The following DDX41 variants were observed in gnomAD, a reference collection of about 807,000 sequenced individuals.
The protein encoded by DDX41 is DEAD-box helicase 41.
Under a neutral mutation model 78.8 loss-of-function variants are expected in DDX41, and 50 were observed. The observed-to-expected ratio is 0.63, with a 90% CI of 0.51 to 0.80. The LOEUF is 0.80. Among genes scored for constraint, DDX41 ranks in the 30% least tolerant of loss-of-function variants. The probability of loss-of-function intolerance (pLI) is 0.00; values close to 1 mark genes in which losing one functional copy is unlikely to be tolerated. For missense variants in DDX41, 633 were observed against 849.2 expected, an observed-to-expected ratio of 0.75 and a Z score of 3.16; for synonymous variants, 381 against 321.5, an observed-to-expected ratio of 1.19 and a Z score of -1.98.
In DDX41 at chr5:177,514,702, G is replaced by A. The variant is rs755552331; in HGVS notation, c.934C>T (p.His312Tyr). 2 of 1,609,720 alleles carry A rather than the reference G, an allele frequency of 1.2e-6. No individual in the cohort carries two copies. The highest frequency in any genetic ancestry group is 4.5e-5 in the East Asian group (2 of 44,790). Residue 312 changes from histidine (H) to tyrosine (Y), a missense_variant and splice_region_variant, in exon 9 of 17, where the codon CAC becomes TAC. Physicochemically the swap from His to Tyr is moderately conservative, Grantham distance 83. This residue lies in a region of DDX41 where 151 missense variants were observed against 169.2 expected (regional missense o/e 0.89). Transcript: ENST00000330503. The surrounding 1 kb of genome is among the most constrained non-coding windows in gnomAD (Gnocchi z 4.2). ...GGGGCAGGGAGCGCCAGCACTCACT[G>A]TCGGATGGTCTCCATCTGCTCTTTC... ...SVKEQMETIR[H>Y]GVHMMVATPG...
chr5:177,516,560 C>T (rs757845961), intron 2 of DDX41, 113 bp from the exon 3 acceptor site: 9 of 1,442,350 alleles, frequency 6.2e-6, no homozygotes, highest in Middle Eastern at 2.2e-4. Flanking sequence ...AGCTGCCCTA[C>T]CCCTCAGATC....
rs771776006 is a variant in DDX41 at position 177,516,338 on chromosome 5, G to A, written c.248C>T (p.Ser83Phe). 3 of 1,614,158 alleles carry A rather than the reference G, an allele frequency of 1.9e-6. No homozygotes were observed. Among genetic ancestry groups the A allele is most frequent in the South Asian group, 2.2e-5 (2 of 91,086 alleles). ...DEDDIPLGPQ[S>F]NVSLLDQHQH... The stretch of plus-strand genomic sequence containing the variant: ...GTGCTGATCCAGGAGGCTGACGTTG[G>A]ACTGAGGGCCTAGCGGGATGTCGTC... Residue 83 changes from serine (S) to phenylalanine (F), a missense_variant, in exon 3 of 17, where the codon TCC becomes TTC. Ser to Phe is a radical substitution (Grantham distance 155). This residue lies in a region of DDX41 where 140 missense variants were observed against 115.2 expected (regional missense o/e 1.22). Coordinates refer to ENST00000330503, the MANE Select transcript of DDX41 (RefSeq NM_016222.4).
At position 177,515,987 on chromosome 5, in the gene DDX41, A is replaced by G; in HGVS notation, c.376T>C (p.Leu126=). 1 of 1,614,222 alleles carries G rather than the reference A, an allele frequency of 6.2e-7. No individual in the cohort carries two copies. Among genetic ancestry groups the G allele is most frequent in the East Asian group, 2.2e-5 (1 of 44,890 alleles). ...TTAGCCATCTCCTTCACTGACATCA[A>G]TGCTGAAGAGAGAGACATGGCTCAG... ...ILESVAEGRA[L]MSVKEMAKGI... The change falls in exon 5 of 17, where the codon TTG becomes CTG. Residue 126 remains leucine (L), a splice_region_variant and synonymous_variant. Transcript: ENST00000330503.
chr5:177,513,643 T>TG lies in DDX41; in HGVS notation c.1098+41dup. The TG allele has an allele frequency of 1.2e-6, 2 of 1,608,712 alleles. No homozygotes were observed. The highest frequency in any genetic ancestry group is 1.7e-6 in the Non-Finnish European group (2 of 1,177,430). ...CCCTGCAGTCTGATGTGGCGTGCAG[T>TG]GGGGGGCGGTGCAGGGTGCCCTGGC... On this transcript the variant is annotated intron_variant, in intron 10 of 16. Coordinates refer to ENST00000330503, the MANE Select transcript of DDX41 (RefSeq NM_016222.4). The surrounding 1 kb of genome is among the most constrained non-coding windows in gnomAD (Gnocchi z 4.6).
In DDX41 at chr5:177,512,001, G is replaced by A. The variant is rs545385061; in HGVS notation, c.1733-74C>T. On this transcript the variant is annotated intron_variant, in intron 16 of 16. Coordinates refer to ENST00000330503, the MANE Select transcript of DDX41 (RefSeq NM_016222.4). Reference sequence around the variant, plus strand: ...GCCCTGGACTTCGGGCCCCCCGTTAGGCACCCTCGGTCCACCGGTTTCACG... The same window carrying A: ...GCCCTGGACTTCGGGCCCCCCGTTAAGCACCCTCGGTCCACCGGTTTCACG... 171 of 1,606,194 alleles carry A rather than the reference G, an allele frequency of 1.1e-4. 2 individuals carry two copies. The South Asian group carries it at 1.7e-3, about 16-fold the overall frequency.
rs1761081769 is a variant in DDX41 at position 177,513,555 on chromosome 5, G to A, written c.1099-71C>T. ...GAGGGGCATGGGGTCTGGGGAAGCT[G>A]AGCAACTGAGACACAGCCCACAAAG... is the stretch of plus-strand genomic sequence containing the variant. On this transcript the variant is annotated intron_variant, in intron 10 of 16. Transcript: ENST00000330503. This position sits in a 1 kb window ranked among gnomAD's most constrained non-coding sequence, Gnocchi z 4.6. 4.3e-6 allele frequency: 7 copies of A among 1,610,682 alleles called. No individual in the cohort carries two copies. In the Admixed American group the frequency reaches 5.0e-5, roughly 12 times the overall value.
Position 177,515,813 on chromosome 5 carries a change from G to A in DDX41, c.443C>T (p.Pro148Leu). The change falls in exon 6 of 17, where the codon CCA becomes CTA. Residue 148 changes from proline to leucine, a missense_variant. Pro to Leu is a moderately conservative substitution (Grantham distance 98, BLOSUM62 -3). This residue lies in a region of DDX41 where 126 missense variants were observed against 115.5 expected (regional missense o/e 1.09). Coordinates refer to ENST00000330503, the MANE Select transcript of DDX41 (RefSeq NM_016222.4). ...AGACATGCTCAGAACATAACGGGGT[G>A]GAGTCCAGCTGTGGATGGGTAACAG... The part of the protein sequence containing the change: ...YDDPIKTSWT[P>L]PRYVLSMSEE... 6.2e-7 allele frequency: 1 copy of A among 1,614,164 alleles called. No homozygotes were observed.
Position 177,514,053 on chromosome 5 carries a change from G to A in DDX41, c.936-206C>T. 1.4e-6 allele frequency: 1 copy of A among 697,482 alleles called. No homozygotes were observed. Among genetic ancestry groups the A allele is most frequent in the Non-Finnish European group, 2.6e-6 (1 of 387,070 alleles). 43.2% of individuals were successfully genotyped at this position (697,482 alleles called of 1,614,324 possible). A position where few individuals can be genotyped will look rare whatever the true frequency, so the allele number is the denominator to read the frequency against. ...AGCCATCTTCACCACCGCTCGGCCT[G>A]GCGCGCCTTCCCCCTTCTCCTGGGT... On this transcript the variant is annotated intron_variant, in intron 9 of 16. Coordinates refer to ENST00000330503, the MANE Select transcript of DDX41 (RefSeq NM_016222.4). This position sits in a 1 kb window ranked among gnomAD's most constrained non-coding sequence, Gnocchi z 4.2.
Position 177,516,378 on chromosome 5 carries a change from G to A in DDX41, c.208C>T (p.Pro70Ser), listed in dbSNP as rs756008087. The change falls in exon 3 of 17, where the codon CCC (proline) becomes TCC (serine). Residue 70 changes from proline (P) to serine (S), a missense_variant. Pro to Ser is a moderately conservative substitution (Grantham distance 74). Around this residue, in one of 6 missense-constraint regions of DDX41, gnomAD observed 140 missense variants for 115.2 expected, o/e 1.22. Transcript: ENST00000330503. ...GGGATGTCGTCCTCATCTCCCCGGG[G>A]TTCACTACCGCTGTCCTGCTGCTCT... Reference protein sequence around the residue: ...EEEQQDSGSEPRGDEDDIPLG... With the variant: ...EEEQQDSGSESRGDEDDIPLG... 2.6e-5 allele frequency: 42 copies of A among 1,613,956 alleles called. No individual in the cohort carries two copies. Among genetic ancestry groups the A allele is most frequent in the Non-Finnish European group, 3.6e-5 (42 of 1,180,020 alleles).
intron 2 of DDX41, 41 bp downstream of exon 2, chr5:177,516,684 G>A (rs1238398660): frequency 6.5e-7 from 1 of 1,546,790 alleles, no homozygotes; most frequent in East Asian, 2.4e-5. Context: ...CTGCGACCCC[G>A]CGGTCACGGC....
At position 177,512,313 on chromosome 5, in the gene DDX41, C is replaced by A. The variant is rs561035914; in HGVS notation, c.1621+9G>T. 1.2e-6 allele frequency: 2 copies of A among 1,613,904 alleles called. No homozygotes were observed. The highest frequency in any genetic ancestry group is 2.7e-5 in the African/African-American group (2 of 74,920). On this transcript the variant is annotated intron_variant, in intron 15 of 16. Transcript: ENST00000330503. ...GGAACAGCTAAGGTGGCGCTGGTAA[C>A]AGACTCACCACACGCTTTGTTGATG... is the stretch of plus-strand genomic sequence containing the variant.
chr5:177,515,426 C>A, intron 6 of DDX41, 168 bp from the exon 7 acceptor site: 1 of 906,080 alleles, frequency 1.1e-6, no homozygotes, highest in Non-Finnish European at 1.8e-6. Context: ...TTGTCCAAGG[C>A]CCACAGGCTA....
At position 177,514,898 on chromosome 5, in the gene DDX41, C is replaced by T. The variant is rs1761151248; in HGVS notation, c.798+18G>A. On this transcript the variant is annotated intron_variant, in intron 8 of 16. Transcript: ENST00000330503. This position sits in a 1 kb window ranked among gnomAD's most constrained non-coding sequence, Gnocchi z 4.2. ...CAGCCCCAATCTCTGGCCTGCCCTC[C>T]AGGCCAGCCTATCTTACCGAGGGGC... The T allele has an allele frequency of 1.2e-6, 2 of 1,603,514 alleles. No individual in the cohort carries two copies. Among genetic ancestry groups the T allele is most frequent in the African/African-American group, 2.7e-5 (2 of 74,740 alleles).
chr5:177,511,663 G>A lies in DDX41; in HGVS notation c.*128C>T. On this transcript the variant is annotated 3_prime_UTR_variant, in exon 17 of 17. Coordinates refer to ENST00000330503, the MANE Select transcript of DDX41 (RefSeq NM_016222.4). Reference sequence around the variant, plus strand: ...GAAGAGCACAGGGAACAGGCAGCCAGGACCAGCCTGGCCCATCCCAGGCCA... The same window carrying A: ...GAAGAGCACAGGGAACAGGCAGCCAAGACCAGCCTGGCCCATCCCAGGCCA... 7.6e-7 allele frequency: 1 copy of A among 1,307,778 alleles called. No individual in the cohort carries two copies. Among genetic ancestry groups the A allele is most frequent in the East Asian group, 2.3e-5 (1 of 42,908 alleles). The allele number at this position is 1,307,778 out of a possible 1,614,324, so 81.0% of individuals were successfully genotyped here. A position where few individuals can be genotyped will look rare whatever the true frequency, so the allele number is the denominator to read the frequency against.
At position 177,516,280 on chromosome 5, in the gene DDX41, C is replaced by T. The variant is rs769834737; in HGVS notation, c.298+8G>A. 1.5e-5 allele frequency: 24 copies of T among 1,614,038 alleles called. No individual in the cohort carries two copies. The African/African-American group carries it at 1.7e-4, about 12-fold the overall frequency. On this transcript the variant is annotated splice_region_variant and intron_variant, in intron 3 of 16. Coordinates refer to ENST00000330503, the MANE Select transcript of DDX41 (RefSeq NM_016222.4). ...TCTTTCTCGCCCAGGCAGTGCTGCC[C>T]AGCCCACCTTCAGCCTTCTCTTTAA...
chr5:177,516,076 G>A (rs1281194631), intron 4 of DDX41, 43 bp downstream of exon 4: 9 of 1,613,934 alleles, frequency 5.6e-6, no homozygotes, highest in Admixed American at 1.7e-5. Context: ...GCTGGGAGGA[G>A]AAGACTCAGT....
rs1353683804 is a variant in DDX41, at chr5:177,515,400, AAAG to A, written c.572-145_572-143del. On this transcript the variant is annotated intron_variant, in intron 6 of 16. Coordinates refer to ENST00000330503, the MANE Select transcript of DDX41 (RefSeq NM_016222.4). ...AGAGAGAGAGAGAGTGGAAAAAAAAAAAGAAAAAAAGAGACTTGTCCAAGGCCC... is the reference window on the plus strand; with the variant it reads ...AGAGAGAGAGAGAGTGGAAAAAAAAAAAAAAAAGAGACTTGTCCAAGGCCC... 7.0e-6 allele frequency: 7 copies of A among 1,001,356 alleles called. No individual in the cohort carries two copies. The East Asian group carries it at 1.5e-4, about 22-fold the overall frequency. 62.0% of individuals were successfully genotyped at this position (1,001,356 alleles called of 1,614,324 possible).
rs1016502155 is a variant in DDX41 at position 177,514,515 on chromosome 5, C to T, written c.935+186G>A. Among the ~76,000 whole-genome samples, 1 of 152,236 alleles carries T rather than the reference C, an allele frequency of 6.6e-6. No individual in the cohort carries two copies. The highest frequency in any genetic ancestry group is 1.5e-5 in the Non-Finnish European group (1 of 68,044). On this transcript the variant is annotated intron_variant, in intron 9 of 16. Coordinates refer to ENST00000330503, the MANE Select transcript of DDX41 (RefSeq NM_016222.4). The surrounding 1 kb of genome is among the most constrained non-coding windows in gnomAD (Gnocchi z 4.2). The stretch of plus-strand genomic sequence containing the variant: ...GGCCATTCCATCTGCCGTGCTCCCA[C>T]AGTACCTGGCCACATCCCTCTGTCC...
At chr5:177,515,322 G>A (rs778177910) in intron 6 of DDX41, 64 bp from the exon 7 acceptor site, 1 of 1,533,190 alleles carries the variant, frequency 6.5e-7, no homozygotes, top group Non-Finnish European at 9.0e-7. Context: ...CCCAAAGCCT[G>A]TAAAACTGGC....
Sources: gnomAD v4.1 joint callset for allele counts (sites outside exome capture counted in the v4.1 genomes callset) on GRCh38, gnomAD v4.1.1 for gene constraint, gnomAD v4.1.1 regional missense constraint, Gnocchi (gnomAD v3.1) non-coding constraint, MANE v1.5 for transcripts, NCBI Gene and HGNC (gene_info 2026-07-23, HGNC 2026-07-21) for gene names.